Variants in BRCA1 observed in about 807,000 individuals in gnomAD.
BRCA1 encodes breast cancer type 1 susceptibility protein.
In BRCA1, 140 loss-of-function variants were observed where a neutral mutation model predicts 173.7. The observed-to-expected ratio is 0.81, with a 90% CI of 0.70 to 0.93. The LOEUF is 0.93. Among genes scored for constraint, BRCA1 ranks in the 40% least tolerant of loss-of-function variants. The probability of loss-of-function intolerance (pLI) is 0.00; values close to 1 mark genes in which losing one functional copy is unlikely to be tolerated. For synonymous variants in BRCA1, 662 were observed against 756.0 expected (o/e 0.88, Z 2.04); for missense variants, 1,983 against 2,172.5 (o/e 0.91, Z 1.73).
At chr17:43,121,700 A>AG (rs1173454141) in intron 2 of BRCA1, among the ~76,000 whole-genome samples, 1 of 151,290 alleles carries the variant, frequency 6.6e-6, no homozygotes, top group African/African-American at 2.4e-5. Context: ...AAAAAAAAAA[A>AG]AAAAAAAAGA....
chr17:43,126,013 C>T (rs1424979436), upstream of BRCA1, among the ~76,000 whole-genome samples: 1 of 152,116 alleles, frequency 6.6e-6, no homozygotes, highest in Non-Finnish European at 1.5e-5. Context: ...ATTTTGAAAG[C>T]AGAAACTAGG....
At position 43,058,377 on chromosome 17, in the gene BRCA1, A is replaced by C. The variant is rs146318688; in HGVS notation, c.5194-1242T>G. Among the ~76,000 whole-genome samples, 1,142 of 150,816 alleles carry C rather than the reference A, an allele frequency of 7.6e-3. 14 individuals are homozygous for C. Among genetic ancestry groups the C allele is most frequent in the African/African-American group, 0.026 (1,053 of 40,548 alleles). On this transcript the variant is annotated intron_variant, in intron 18 of 22. Coordinates refer to ENST00000357654, the MANE Select transcript of BRCA1 (RefSeq NM_007294.4). ...TGACAAAGTGAGACTCTGCTAAAAA[A>C]AAACACACACACACACACACATAAA...
chr17:43,159,973 T>C (rs1430050758), intron 1 of BRCA1: 1 of 152,168 alleles, frequency 6.6e-6, no homozygotes, highest in Non-Finnish European at 1.5e-5. Flanking sequence ...CTTATTTAAA[T>C]GTACAGAGCC....
intron 1 of BRCA1, chr17:43,169,855 T>C (rs2056311015): frequency 3.0e-6 from 1 of 334,034 alleles, no homozygotes; most frequent in Non-Finnish European, 5.9e-6. Context: ...CTCAGCGAGC[T>C]CACGACGCGC....
chr17:43,147,814 C>CT (rs2056133171), intron 1 of BRCA1, among the ~76,000 whole-genome samples: 1 of 151,834 alleles, frequency 6.6e-6, no homozygotes, highest in Non-Finnish European at 1.5e-5. Context: ...AGATGAGTGC[C>CT]CTCTCCAACA....
upstream of BRCA1, among the ~76,000 whole-genome samples, chr17:43,126,738 C>G (rs1440861349): frequency 2.6e-5 from 4 of 152,150 alleles, no homozygotes; most frequent in African/African-American, 9.6e-5. Context: ...CCATTCTGGC[C>G]GTGCTGGAGG....
rs397507259 is a variant in BRCA1 at position 43,094,543 on chromosome 17, C to T, written c.988G>A (p.Asp330Asn). ...RWAGSKETCN[D>N]RRTPSTEKKV... ...TTTTCTGTGCTGGGAGTCCGCCTAT[C>T]ATTACATGTTTCCTTACTTCCAGCC... The change falls in exon 10 of 23, where the codon GAT becomes AAT. Residue 330 changes from aspartate (D) to asparagine (N), a missense_variant. Transcript: ENST00000357654. The T allele has an allele frequency of 6.2e-7, 1 of 1,614,162 alleles. No homozygotes were observed. The highest frequency in any genetic ancestry group is 2.2e-5 in the East Asian group (1 of 44,890).
chr17:43,169,728 C>G (rs915632941), intron 1 of BRCA1, among the ~76,000 whole-genome samples: 3 of 151,834 alleles, frequency 2.0e-5, no homozygotes, highest in Non-Finnish European at 4.4e-5. Context: ...ATCCCTTGGG[C>G]CCCTGTCCCT....
chr17:43,148,899 T>C (rs1441150321), intron 1 of BRCA1: 2 of 167,278 alleles, frequency 1.2e-5, no homozygotes, highest in Non-Finnish European at 1.5e-5. Context: ...GATAACTTTT[T>C]TGAAGACAGG....
At chr17:43,145,116 G>GA in intron 1 of BRCA1, 1 of 718,916 alleles carries the variant, frequency 1.4e-6, no homozygotes. Context: ...CAAAAAAAGG[G>GA]AAAAGGGGAG....
chr17:43,134,519 C>T (rs1412954247), intron 1 of BRCA1, among the ~76,000 whole-genome samples: 4 of 152,106 alleles, frequency 2.6e-5, no homozygotes, highest in Admixed American at 6.6e-5. Flanking sequence ...TTGTGCCAAG[C>T]CACCAAGGAT....
chr17:43,063,840 A>T (rs2051901994), intron 17 of BRCA1, 34 bp downstream of exon 17: 1 of 1,569,450 alleles, frequency 6.4e-7, no homozygotes, highest in Non-Finnish European at 8.8e-7. Flanking sequence ...CTGAGGTGTT[A>T]AAGGGAGGAG....
At chr17:43,115,804 A>C (rs775851068) in intron 2 of BRCA1, 25 bp from the exon 3 acceptor site, 1 of 1,603,758 alleles carries the variant, frequency 6.2e-7, no homozygotes, top group Non-Finnish European at 8.5e-7. Flanking sequence ...GGGGAGAAAA[A>C]GAAAATAAAT....
rs759366409 is a variant in BRCA1 at position 43,094,667 on chromosome 17, G to T, written c.864C>A (p.Ser288Arg). The change falls in exon 10 of 23, where the codon AGC becomes AGA. Residue 288 changes from serine (S) to arginine (R), a missense_variant. Physicochemically the swap from Ser to Arg is moderately radical, Grantham distance 110. Coordinates refer to ENST00000357654, the MANE Select transcript of BRCA1 (RefSeq NM_007294.4). ...THASSLQHEN[S>R]SLLLTKDRMN... ...TTCTGTCTTTAGTGAGTAATAAACT[G>T]CTGTTCTCATGCTGTAATGAGCTGG... The T allele has an allele frequency of 6.2e-7, 1 of 1,613,984 alleles. No individual in the cohort carries two copies. Among genetic ancestry groups the T allele is most frequent in the Non-Finnish European group, 8.5e-7 (1 of 1,179,982 alleles).
intron 1 of BRCA1, 157 bp downstream of exon 1, chr17:43,125,114 C>T (rs2154579700): frequency 4.5e-6 from 2 of 444,068 alleles, no homozygotes; most frequent in Non-Finnish European, 4.6e-6. Context: ...TACAAACTGC[C>T]CCCCTCCCCA....
chr17:43,101,135 T>C (rs777560742), intron 6 of BRCA1, among the ~76,000 whole-genome samples: 20 of 152,116 alleles, frequency 1.3e-4, no homozygotes, highest in Middle Eastern at 3.4e-3. Context: ...ACTTTTTTTT[T>C]CCTTCCTTTT....
In BRCA1 at chr17:43,109,636, G is replaced by C. The variant is rs557068480; in HGVS notation, c.135-3103C>G. On this transcript the variant is annotated intron_variant, in intron 3 of 22. Coordinates refer to ENST00000357654, the MANE Select transcript of BRCA1 (RefSeq NM_007294.4). Reference sequence around the variant, plus strand: ...ATAAGTACCTTTAAAACTCAGAATAGAGGCTCCCACTCCTTCAGAATCTAC... The same window carrying C: ...ATAAGTACCTTTAAAACTCAGAATACAGGCTCCCACTCCTTCAGAATCTAC... 2.6e-5 allele frequency among the ~76,000 whole-genome samples: 4 copies of C among 152,226 alleles called. No individual in the cohort carries two copies. The East Asian group carries it at 7.7e-4, about 29-fold the overall frequency.
At position 43,066,730 on chromosome 17, in the gene BRCA1, C is replaced by T. The variant is rs8176237; in HGVS notation, c.5074+878G>A. 0.071 allele frequency among the ~76,000 whole-genome samples: 10,641 copies of T among 150,736 alleles called. 442 individuals are homozygous for T. The highest frequency in any genetic ancestry group is 0.12 in the South Asian group (560 of 4,734). On this transcript the variant is annotated intron_variant, in intron 16 of 22. Coordinates refer to ENST00000357654, the MANE Select transcript of BRCA1 (RefSeq NM_007294.4). Reference sequence around the variant, plus strand: ...AGCTGCCTCACTTGTTGTTTTAGGACTTAGGCTCCACCTCACCAGTGTAGT... The same window carrying T: ...AGCTGCCTCACTTGTTGTTTTAGGATTTAGGCTCCACCTCACCAGTGTAGT...
chr17:43,094,603 G>A lies in BRCA1; in HGVS notation c.928C>T (p.Gln310Ter), dbSNP rs397509338. 1 of 1,614,114 alleles carries A rather than the reference G, an allele frequency of 6.2e-7. No individual in the cohort carries two copies. Among genetic ancestry groups the A allele is most frequent in the Non-Finnish European group, 8.5e-7 (1 of 1,180,014 alleles). The change falls in exon 10 of 23, where the codon CAG (glutamine) becomes TAG (stop). Residue 310 changes from glutamine (Q) to a stop codon, truncating the protein, a stop_gained. Transcript: ENST00000357654. LOFTEE classifies it high-confidence loss of function. ...TGTTGGCTCCTTGCTAAGCCAGGCT[G>A]TTTGCTTTTATTACAGAATTCAGCC... ...EKAEFCNKSK[Q>*]PGLARSQHNR...
Sources: gnomAD v4.1 joint callset for allele counts (sites outside exome capture counted in the v4.1 genomes callset) on GRCh38, gnomAD v4.1.1 for gene constraint, MANE v1.5 for transcripts, NCBI Gene and HGNC (gene_info 2026-07-23, HGNC 2026-07-21) for gene names.